LCLAT1: variants seen among roughly 807,000 people sequenced by gnomAD.
LCLAT1 encodes 1-AGP acyltransferase 8.
Under a neutral mutation model 30.7 loss-of-function variants are expected in LCLAT1, and 11 were observed. The observed-to-expected ratio is 0.36, with a 90% CI of 0.23 to 0.59. The LOEUF is 0.59. LCLAT1 is among the 20% of genes least tolerant of loss of function. LCLAT1 has a pLI of 0.77. For missense variants in LCLAT1, 402 were observed against 458.6 expected (o/e 0.88, Z 1.13); for synonymous variants, 155 against 151.3 (o/e 1.02, Z -0.18).
intron 5 of LCLAT1, among the ~76,000 whole-genome samples, chr2:30,574,636 C>G (rs1665915974): frequency 6.6e-6 from 1 of 152,200 alleles, no homozygotes; most frequent in African/African-American, 2.4e-5. Flanking sequence ...AGTGTCTCAA[C>G]TCTAAAGGTA....
intron 1 of LCLAT1, among the ~76,000 whole-genome samples, chr2:30,461,686 G>A (rs968754163): frequency 6.6e-6 from 1 of 151,980 alleles, no homozygotes; most frequent in African/African-American, 2.4e-5. Flanking sequence ...TTAACCCTTT[G>A]GGTTGGGCCA....
At chr2:30,456,869 A>G (rs183701266) in intron 1 of LCLAT1, among the ~76,000 whole-genome samples, 1 of 152,310 alleles carries the variant, frequency 6.6e-6, no homozygotes, top group Admixed American at 6.5e-5. Flanking sequence ...AGGAAAAACT[A>G]CATTTACTTG....
rs1402390387 is a variant in LCLAT1 at position 30,642,407 on chromosome 2, T to TTTC, written c.*1790_*1791insCTT. The TTTC allele has an allele frequency of 3.5e-5, 5 of 143,772 alleles. No homozygotes were observed. Among genetic ancestry groups the TTTC allele is most frequent in the Non-Finnish European group, 6.0e-5 (4 of 66,608 alleles). 8.9% of individuals were successfully genotyped at this position (143,772 alleles called of 1,614,324 possible). ...GTTTTTTCTTTTTCTTTTCTTTTTT[T>TTTC]TTTTTTTTTTTTAAAAAAGCACCTT... On this transcript the variant is annotated 3_prime_UTR_variant, in exon 6 of 6. Transcript: ENST00000379509.
chr2:30,479,943 G>A (rs2148307914), intron 1 of LCLAT1, among the ~76,000 whole-genome samples: 1 of 152,218 alleles, frequency 6.6e-6, no homozygotes, highest in South Asian at 2.1e-4. Flanking sequence ...CTTAGTGATT[G>A]TATCTCTAAA....
At chr2:30,497,804 A>T (rs1432664742) in intron 1 of LCLAT1, among the ~76,000 whole-genome samples, 4 of 152,212 alleles carry the variant, frequency 2.6e-5, no homozygotes, top group Non-Finnish European at 5.9e-5. Context: ...CGATGCCAAT[A>T]ACTTAGGGTA....
At chr2:30,520,444 G>A (rs973913601) in intron 1 of LCLAT1, among the ~76,000 whole-genome samples, 6 of 152,120 alleles carry the variant, frequency 3.9e-5, no homozygotes, top group African/African-American at 1.2e-4. Flanking sequence ...AAAAGGAAGC[G>A]TAGTGTAACA....
At chr2:30,579,548 T>A (rs1173521637) in intron 5 of LCLAT1, among the ~76,000 whole-genome samples, 1 of 152,032 alleles carries the variant, frequency 6.6e-6, no homozygotes, top group Non-Finnish European at 1.5e-5. Context: ...TAGAAAACAG[T>A]TGTGGTGGCT....
intron 5 of LCLAT1, among the ~76,000 whole-genome samples, chr2:30,610,417 T>G (rs1010375373): frequency 1.3e-5 from 2 of 152,158 alleles, no homozygotes; most frequent in Non-Finnish European, 2.9e-5. Context: ...TCCTTCTGAT[T>G]AAGATAGCTC....
intron 2 of LCLAT1, among the ~76,000 whole-genome samples, chr2:30,528,457 C>T (rs1287737715): frequency 4.6e-5 from 7 of 152,180 alleles, no homozygotes; most frequent in African/African-American, 1.7e-4. Flanking sequence ...TTTTTTTCTG[C>T]TTCATGTGAG....
chr2:30,583,733 A>T (rs575100887), intron 5 of LCLAT1, among the ~76,000 whole-genome samples: 2 of 152,248 alleles, frequency 1.3e-5, no homozygotes, highest in Admixed American at 1.3e-4. Context: ...GTCTTTACCA[A>T]TACTGTTAAA....
intron 3 of LCLAT1, among the ~76,000 whole-genome samples, chr2:30,553,011 A>G (rs1664750607): frequency 6.6e-6 from 1 of 152,186 alleles, no homozygotes; most frequent in Non-Finnish European, 1.5e-5. Flanking sequence ...TCATATTCAT[A>G]GTGCCATAGT....
intron 3 of LCLAT1, among the ~76,000 whole-genome samples, chr2:30,551,055 T>C (rs549892710): frequency 6.6e-6 from 1 of 152,296 alleles, no homozygotes; most frequent in Admixed American, 6.5e-5. Context: ...CACAGCTCAC[T>C]GCATCCTTGA....
intron 3 of LCLAT1, among the ~76,000 whole-genome samples, chr2:30,542,570 A>C (rs1664192420): frequency 6.6e-6 from 1 of 152,046 alleles, no homozygotes; most frequent in Admixed American, 6.6e-5. Context: ...ATTTTTTTCA[A>C]CTATTTGAGT....
At chr2:30,559,284 C>G (rs1167010131) in intron 3 of LCLAT1, among the ~76,000 whole-genome samples, 1 of 152,082 alleles carries the variant, frequency 6.6e-6, no homozygotes, top group African/African-American at 2.4e-5. Context: ...GTATATGTGA[C>G]AATTTATTAA....
chr2:30,586,717 C>T (rs565726680), intron 5 of LCLAT1, among the ~76,000 whole-genome samples: 11 of 152,300 alleles, frequency 7.2e-5, no homozygotes, highest in Middle Eastern at 3.4e-3. Flanking sequence ...TTTCAAGCCT[C>T]CTCTGCCCAT....
chr2:30,637,478 ACAAGG>A (rs981704144), intron 5 of LCLAT1, among the ~76,000 whole-genome samples: 6 of 152,204 alleles, frequency 3.9e-5, no homozygotes, highest in African/African-American at 1.4e-4. Flanking sequence ...ACTGTAGCAT[ACAAGG>A]CAAGTGGTCA....
At chr2:30,605,855 G>A (rs1667413659) in intron 5 of LCLAT1, among the ~76,000 whole-genome samples, 1 of 152,070 alleles carries the variant, frequency 6.6e-6, no homozygotes, top group South Asian at 2.1e-4. Context: ...GAGGGAGTGG[G>A]GGGATGGTTT....
rs1000284289 is a variant in LCLAT1 at position 30,588,571 on chromosome 2, TTTG to T, written c.628+20407_628+20409del. On this transcript the variant is annotated intron_variant, in intron 5 of 5. Transcript: ENST00000379509. ...GTGCCTTAGTTTTGTTTTTGTTATT[TTTG>T]TTGTTGTTGTTTTGTTTTTTTGTTT... Among the ~76,000 whole-genome samples the T allele has an allele frequency of 2.6e-5, 4 of 152,210 alleles. 1 individual carries two copies. Among genetic ancestry groups the T allele is most frequent in the Admixed American group, 2.0e-4 (3 of 15,300 alleles).
At chr2:30,527,479 G>A (rs1490059346) in intron 2 of LCLAT1, among the ~76,000 whole-genome samples, 1 of 152,144 alleles carries the variant, frequency 6.6e-6, no homozygotes, top group Non-Finnish European at 1.5e-5. Flanking sequence ...TGAGAGTTCT[G>A]AGAATTGGTA....
Sources: allele counts gnomAD v4.1 joint callset (sites outside exome capture counted in the v4.1 genomes callset), GRCh38; gene constraint gnomAD v4.1.1; transcripts MANE v1.5; gene names NCBI Gene and HGNC (gene_info 2026-07-23, HGNC 2026-07-21).